Variants in CAPN14 observed in about 807,000 individuals in gnomAD.
The protein encoded by CAPN14 is calpain 14, also known as calpain-14.
CAPN14 carries 94 observed loss-of-function variants against 101.3 expected under a neutral mutation model. The ratio of observed to expected loss-of-function variants is 0.93; its 90% confidence interval spans 0.79 to 1.10. CAPN14 has a LOEUF of 1.10. Among genes scored for constraint, CAPN14 ranks in the 50% least tolerant of loss-of-function variants. The pLI is 0.00. For synonymous variants in CAPN14, 338 were observed against 317.9 expected (o/e 1.06, Z -0.67); for missense variants, 837 against 828.4 (o/e 1.01, Z -0.13).
At chr2:31,202,537 A>G (rs1348608530) in intron 3 of CAPN14, among the ~76,000 whole-genome samples, 1 of 152,088 alleles carries the variant, frequency 6.6e-6, no homozygotes, top group African/African-American at 2.4e-5. Flanking sequence ...TGGGACCTCA[A>G]CGCCACTCAC....
rs1680304554 is a variant in CAPN14, at chr2:31,176,617, A to T, written c.1998T>A (p.Asp666Glu). 1 of 1,551,722 alleles carries T rather than the reference A, an allele frequency of 6.4e-7. No individual in the cohort carries two copies. The highest frequency in any genetic ancestry group is 8.7e-7 in the Non-Finnish European group (1 of 1,146,974). The change falls in exon 21 of 22, where the codon GAT (aspartate) becomes GAA (glutamate). Residue 666 changes from aspartate to glutamate, a missense_variant. Transcript: ENST00000403897. ...MEDVFQNLTQDGKGIYLQKPE... is the reference protein window; with the variant it reads ...MEDVFQNLTQEGKGIYLQKPE... Reference sequence around the variant, plus strand: ...GCTTCTGGAGGTATATCCCTTTGCCATCTTGGGTTAAGTTTTGGAAGACAT... The same window carrying T: ...GCTTCTGGAGGTATATCCCTTTGCCTTCTTGGGTTAAGTTTTGGAAGACAT...
At chr2:31,224,234 C>T (rs1347614973) in intron 2 of CAPN14, among the ~76,000 whole-genome samples, 1 of 152,148 alleles carries the variant, frequency 6.6e-6, no homozygotes, top group Non-Finnish European at 1.5e-5. Context: ...GCACCACCAT[C>T]TACCCAGGCT....
At chr2:31,183,367 A>G (rs1680744952) in intron 16 of CAPN14, among the ~76,000 whole-genome samples, 1 of 152,250 alleles carries the variant, frequency 6.6e-6, no homozygotes, top group Non-Finnish European at 1.5e-5. Context: ...GCTTCTGCAC[A>G]GCAAAAGAAA....
chr2:31,191,378 C>G (rs1171082845), intron 12 of CAPN14, 21 bp downstream of exon 12: 1 of 1,542,378 alleles, frequency 6.5e-7, no homozygotes, highest in Non-Finnish European at 8.7e-7. Context: ...CTAGGGCCAC[C>G]CGGTCAAGTG....
chr2:31,200,930 C>T (rs144071236), intron 5 of CAPN14, among the ~76,000 whole-genome samples: 56 of 152,258 alleles, frequency 3.7e-4, no homozygotes, highest in African/African-American at 1.3e-3. Context: ...TCACTCACAG[C>T]GAGATCTCAA....
upstream of CAPN14, among the ~76,000 whole-genome samples, chr2:31,218,147 T>C (rs1350808094): frequency 6.6e-6 from 1 of 152,120 alleles, no homozygotes; most frequent in Non-Finnish European, 1.5e-5. Context: ...TCACCTTGGG[T>C]CCCGTTGCTC....
rs189079263 is a variant in CAPN14, at chr2:31,199,771, C to T, written c.727-239G>A. 2.6e-5 allele frequency among the ~76,000 whole-genome samples: 4 copies of T among 152,282 alleles called. No individual in the cohort carries two copies. In the East Asian group the frequency reaches 5.8e-4, roughly 22 times the overall value. ...CCCTCAATTTTACAGAGGACAAACT[C>T]TATTTAGAGTTGAGTCAATGTGTGA... On this transcript the variant is annotated intron_variant, in intron 6 of 21. Coordinates refer to ENST00000403897, the MANE Select transcript of CAPN14 (RefSeq NM_001145122.2).
chr2:31,180,278 C>T (rs1416047597), intron 17 of CAPN14, among the ~76,000 whole-genome samples: 1 of 152,134 alleles, frequency 6.6e-6, no homozygotes, highest in Non-Finnish European at 1.5e-5. Flanking sequence ...TGCTCCATGC[C>T]CGTGCACCTA....
intron 1 of CAPN14, among the ~76,000 whole-genome samples, chr2:31,209,803 C>T (rs1319357060): frequency 6.6e-6 from 1 of 152,062 alleles, no homozygotes; most frequent in East Asian, 1.9e-4. Context: ...CATGTTAGTA[C>T]CTTGTAATTG....
intron 12 of CAPN14, among the ~76,000 whole-genome samples, chr2:31,190,881 C>T (rs1403341536): frequency 5.3e-5 from 8 of 152,204 alleles, no homozygotes; most frequent in Non-Finnish European, 8.8e-5. Context: ...TCCTACCTGA[C>T]CCCTCCTGGC....
chr2:31,187,714 G>A (rs573154312), intron 15 of CAPN14, 44 bp downstream of exon 15: 20 of 1,487,496 alleles, frequency 1.3e-5, no homozygotes, highest in South Asian at 3.7e-5. Flanking sequence ...GCTCCACTTC[G>A]TCCCCTGCTC....
At position 31,189,344 on chromosome 2, in the gene CAPN14, C is replaced by T; in HGVS notation, c.1422G>A (p.Val474=). ...TCTGGTGGGCCTCCAATATGCAGGG[C>T]ACGATGAGGTACGTCCCTGGTTCCA... ...LCLEPGTYLI[V]PCILEAHQKS... is the part of the protein sequence containing the mutation. Residue 474 remains valine (V), a synonymous_variant, in exon 13 of 22, where the codon GTG becomes GTA. Coordinates refer to ENST00000403897, the MANE Select transcript of CAPN14 (RefSeq NM_001145122.2). The T allele has an allele frequency of 6.4e-7, 1 of 1,551,618 alleles. No homozygotes were observed. The highest frequency in any genetic ancestry group is 8.7e-7 in the Non-Finnish European group (1 of 1,146,898).
chr2:31,174,714 A>G lies in CAPN14; in HGVS notation c.2029-7T>C. 1.9e-6 allele frequency: 3 copies of G among 1,551,656 alleles called. No homozygotes were observed. The highest frequency in any genetic ancestry group is 1.4e-5 in the African/African-American group (1 of 73,162). ...ACAGTGCCATCATCATCCACTGGAC[A>G]TGTTGGGAAAGCAAATGATGGTCAG... On this transcript the variant is annotated splice_region_variant and splice_polypyrimidine_tract_variant and intron_variant, in intron 21 of 21. Transcript: ENST00000403897.
chr2:31,197,207 A>AG, intron 8 of CAPN14, 42 bp downstream of exon 8: 1 of 1,389,430 alleles, frequency 7.2e-7, no homozygotes, highest in Non-Finnish European at 1.0e-6. Context: ...CCTTTGCCTA[A>AG]CCTACCTGTT....
Position 31,202,004 on chromosome 2 carries a change from G to T in CAPN14, c.415-6C>A. On this transcript the variant is annotated splice_region_variant and splice_polypyrimidine_tract_variant and intron_variant, in intron 4 of 21. Coordinates refer to ENST00000403897, the MANE Select transcript of CAPN14 (RefSeq NM_001145122.2). ...CAGTTCCCATAGTGCCAGAACTGGAGGGAGAGAGTGGCCCCGGGTGAATGA... is the reference window on the plus strand; with the variant it reads ...CAGTTCCCATAGTGCCAGAACTGGATGGAGAGAGTGGCCCCGGGTGAATGA... 1 of 1,551,592 alleles carries T rather than the reference G, an allele frequency of 6.4e-7. No homozygotes were observed.
intron 10 of CAPN14, 120 bp from the exon 11 acceptor site, chr2:31,192,218 A>C: frequency 8.7e-7 from 1 of 1,151,198 alleles, no homozygotes; most frequent in Non-Finnish European, 1.2e-6. Context: ...CCTGAGGCCC[A>C]CTGGGACAGA....
chr2:31,206,021 A>ATTTTTTTAT (rs1682060022), intron 1 of CAPN14, among the ~76,000 whole-genome samples: 1 of 108,752 alleles, frequency 9.2e-6, no homozygotes, highest in East Asian at 3.3e-4. Context: ...CATTATCTTT[A>ATTTTTTTAT]TTTTTTTTAT....
At position 31,191,993 on chromosome 2, in the gene CAPN14, G is replaced by A; in HGVS notation, c.1220C>T (p.Pro407Leu). 5 of 1,551,622 alleles carry A rather than the reference G, an allele frequency of 3.2e-6. No homozygotes were observed. Among genetic ancestry groups the A allele is most frequent in the Non-Finnish European group, 4.4e-6 (5 of 1,146,950 alleles). The change falls in exon 11 of 22, where the codon CCC becomes CTC. Residue 407 changes from proline to leucine, a missense_variant. Coordinates refer to ENST00000403897, the MANE Select transcript of CAPN14 (RefSeq NM_001145122.2). Reference sequence around the variant, plus strand: ...CTTCCGCTTGCGGCACCTGTGCCTGGGCTTCTGGAGCAGGGACACCAGCAC... The same window carrying A: ...CTTCCGCTTGCGGCACCTGTGCCTGAGCTTCTGGAGCAGGGACACCAGCAC... ...CSVLVSLLQK[P>L]RHRCRKRKPL... is the part of the protein sequence containing the mutation.
chr2:31,201,943 T>G lies in CAPN14; in HGVS notation c.470A>C (p.Asn157Thr). Residue 157 changes from asparagine (N) to threonine (T), a missense_variant, in exon 5 of 22, where the codon AAT becomes ACT. Transcript: ENST00000403897. ...PVVIDDRLPV[N>T]EAGQLVFVSS... ...GACAAAGACCAGCTGGCCAGCCTCA[T>G]TCACAGGCAGACGGTCATCGATCAC... 6.4e-7 allele frequency: 1 copy of G among 1,551,704 alleles called. No individual in the cohort carries two copies. The highest frequency in any genetic ancestry group is 2.0e-5 in the Admixed American group (1 of 51,004).
Sources: gnomAD v4.1 joint callset for allele counts (sites outside exome capture counted in the v4.1 genomes callset) on GRCh38, gnomAD v4.1.1 for gene constraint, MANE v1.5 for transcripts, NCBI Gene and HGNC (gene_info 2026-07-23, HGNC 2026-07-21) for gene names.